ZFR: variants seen among roughly 807,000 people sequenced by gnomAD.
ZFR encodes zinc finger RNA-binding protein.
ZFR carries 19 observed loss-of-function variants against 130.7 expected under a neutral mutation model. The ratio of observed to expected loss-of-function variants is 0.15; its 90% CI spans 0.10 to 0.21. ZFR has a LOEUF of 0.21. Ranked by LOEUF, ZFR falls within the 10% of genes least tolerant of loss-of-function variation. The pLI is 1.00. For missense variants in ZFR, 872 were observed against 1,321.5 expected (o/e 0.66, Z 5.27); for synonymous variants, 466 against 456.9 (o/e 1.02, Z -0.25).
intron 4 of ZFR, among the ~76,000 whole-genome samples, chr5:32,415,456 C>T (rs1322300410): frequency 6.6e-6 from 1 of 150,746 alleles, no homozygotes; most frequent in Non-Finnish European, 1.5e-5. Context: ...AATAGCAGTG[C>T]TACCACTAAA....
rs55724344 is a variant in ZFR at position 32,380,650 on chromosome 5, CTTTTTT to C, written c.2642-484_2642-479del. Among the ~76,000 whole-genome samples, 375 of 97,060 alleles carry C rather than the reference CTTTTTT, an allele frequency of 3.9e-3. 2 individuals carry two copies. The highest frequency in any genetic ancestry group is 4.8e-3 in the Middle Eastern group (1 of 210). 63.7% of individuals were successfully genotyped at this position (97,060 alleles called of 152,430 possible). A position where few individuals can be genotyped will look rare whatever the true frequency, so the allele number is the denominator to read the frequency against. On this transcript the variant is annotated intron_variant, in intron 15 of 19. Coordinates refer to ENST00000265069, the MANE Select transcript of ZFR (RefSeq NM_016107.5). ...AATGAAGAACCCAAAACAGGCATTT[CTTTTTT>C]TTTTTTTTTTTTTTTTGAGACGGAG...
At chr5:32,414,853 C>T in intron 5 of ZFR, 116 bp downstream of exon 5, 1 of 907,694 alleles carries the variant, frequency 1.1e-6, no homozygotes, top group Non-Finnish European at 1.6e-6. Context: ...TTATGTCTAT[C>T]AATTAATTTA....
At chr5:32,396,835 G>C (rs1008518682) in intron 10 of ZFR, among the ~76,000 whole-genome samples, 2 of 152,040 alleles carry the variant, frequency 1.3e-5, no homozygotes, top group Non-Finnish European at 2.9e-5. Flanking sequence ...ATAAGTGAAG[G>C]GATTTTCCAA....
Position 32,362,304 on chromosome 5 carries a change from C to T in ZFR, c.3045+1644G>A, listed in dbSNP as rs906251665. ...TTTTAATAAATGACAAAGGCTGTATCTGGCAGAAGCAACTTGAAAAGGATC... is the reference window on the plus strand; with the variant it reads ...TTTTAATAAATGACAAAGGCTGTATTTGGCAGAAGCAACTTGAAAAGGATC... On this transcript the variant is annotated intron_variant, in intron 19 of 19. Coordinates refer to ENST00000265069, the MANE Select transcript of ZFR (RefSeq NM_016107.5). Among the ~76,000 whole-genome samples the T allele has an allele frequency of 7.9e-5, 12 of 152,102 alleles. 1 individual carries two copies. The highest frequency in any genetic ancestry group is 5.9e-4 in the Admixed American group (9 of 15,270).
At chr5:32,396,756 A>C (rs1204644929) in intron 10 of ZFR, among the ~76,000 whole-genome samples, 2 of 151,734 alleles carry the variant, frequency 1.3e-5, no homozygotes, top group African/African-American at 2.4e-5. Flanking sequence ...TAAAAAAAAA[A>C]ACTTCAAATA....
chr5:32,414,625 G>C (rs1283367808), intron 5 of ZFR, among the ~76,000 whole-genome samples: 1 of 152,116 alleles, frequency 6.6e-6, no homozygotes, highest in Non-Finnish European at 1.5e-5. Flanking sequence ...TATTCCCTGA[G>C]TATTAACCTT....
intron 19 of ZFR, among the ~76,000 whole-genome samples, chr5:32,357,493 T>C (rs1175298701): frequency 6.6e-6 from 1 of 152,202 alleles, no homozygotes; most frequent in African/African-American, 2.4e-5. Context: ...CTTGAACTCC[T>C]GACCTCCGGA....
At chr5:32,369,015 A>G (rs1317038612) in intron 17 of ZFR, among the ~76,000 whole-genome samples, 1 of 152,216 alleles carries the variant, frequency 6.6e-6, no homozygotes, top group African/African-American at 2.4e-5. Flanking sequence ...GCATTTTTGT[A>G]ATATATTTAC....
intron 2 of ZFR, among the ~76,000 whole-genome samples, chr5:32,443,970 G>A (rs1274263812): frequency 6.6e-6 from 1 of 151,898 alleles, no homozygotes; most frequent in Non-Finnish European, 1.5e-5. Context: ...GAAGGGCCCT[G>A]AGGCCTCCAC....
intron 19 of ZFR, among the ~76,000 whole-genome samples, chr5:32,358,208 T>C (rs1371319197): frequency 6.6e-6 from 1 of 151,896 alleles, no homozygotes; most frequent in Admixed American, 6.6e-5. Context: ...AATAGAAAAA[T>C]TAGCCGGGTG....
rs1197309105 is a variant in ZFR, at chr5:32,438,682, A to G, written c.137+5547T>C. On this transcript the variant is annotated intron_variant, in intron 2 of 19. Transcript: ENST00000265069. ...AAACTTTCCTTCTTTCTCTATTAGT[A>G]ATGAGGACTCCAAATGTTTTAAAAC... Among the ~76,000 whole-genome samples, 5 of 152,182 alleles carry G rather than the reference A, an allele frequency of 3.3e-5. No homozygotes were observed. The East Asian group carries it at 9.6e-4, about 29-fold the overall frequency.
chr5:32,427,531 A>G, intron 2 of ZFR, among the ~76,000 whole-genome samples: 1 of 152,214 alleles, frequency 6.6e-6, no homozygotes, highest in African/African-American at 2.4e-5. Flanking sequence ...TTCACGGATT[A>G]GAAGGCAAAC....
At chr5:32,377,790 G>C (rs1354143003) in intron 17 of ZFR, among the ~76,000 whole-genome samples, 2 of 151,876 alleles carry the variant, frequency 1.3e-5, no homozygotes, top group African/African-American at 4.8e-5. Flanking sequence ...GGGTTCAAGT[G>C]ATTCTCCTCT....
intron 2 of ZFR, among the ~76,000 whole-genome samples, chr5:32,421,068 GTTTAT>G (rs1339553108): frequency 6.6e-5 from 10 of 152,264 alleles, no homozygotes; most frequent in Middle Eastern, 3.4e-3. Flanking sequence ...ACAGGAATAT[GTTTAT>G]TTTAACTTTT....
chr5:32,427,539 A>C (rs551755816), intron 2 of ZFR, among the ~76,000 whole-genome samples: 6 of 152,286 alleles, frequency 3.9e-5, no homozygotes, highest in African/African-American at 1.2e-4. Flanking sequence ...TTAGAAGGCA[A>C]ACTATTGTTA....
rs1239433632 is a variant in ZFR at position 32,354,828 on chromosome 5, T to A, written c.*932A>T. 6.6e-6 allele frequency: 1 copy of A among 152,442 alleles called. No homozygotes were observed. The highest frequency in any genetic ancestry group is 2.4e-5 in the African/African-American group (1 of 41,432). 9.4% of individuals were successfully genotyped at this position (152,442 alleles called of 1,614,324 possible). A position where few individuals can be genotyped will look rare whatever the true frequency, so the allele number is the denominator to read the frequency against. ...GTTGTTAGTTGTACAATGATGAAGT[T>A]CTTTTGAAAATATTGGTTAGCCCAC... On this transcript the variant is annotated 3_prime_UTR_variant, in exon 20 of 20. Transcript: ENST00000265069.
rs556213824 is a variant in ZFR at position 32,417,258 on chromosome 5, G to A, written c.565+390C>T. On this transcript the variant is annotated intron_variant, in intron 4 of 19. Transcript: ENST00000265069. ...CTGATAACAGAACCAACTGTCATTA[G>A]CGATCAGAGAAAGATTAATTAAAAA... Among the ~76,000 whole-genome samples, 31 of 152,244 alleles carry A rather than the reference G, an allele frequency of 2.0e-4. 2 individuals are homozygous for A. Among genetic ancestry groups the A allele is most frequent in the Middle Eastern group, 6.8e-3 (2 of 294 alleles).
At chr5:32,422,071 T>G (rs1753969898) in intron 2 of ZFR, among the ~76,000 whole-genome samples, 1 of 152,012 alleles carries the variant, frequency 6.6e-6, no homozygotes, top group African/African-American at 2.4e-5. Flanking sequence ...TAAGAGTAAT[T>G]TTGGTTATAT....
chr5:32,439,101 AT>A, intron 2 of ZFR, among the ~76,000 whole-genome samples: 1 of 152,350 alleles, frequency 6.6e-6, no homozygotes, highest in South Asian at 2.1e-4. Flanking sequence ...ACTAATAGCC[AT>A]TTTATCATCA....
Sources: allele counts gnomAD v4.1 joint callset (sites outside exome capture counted in the v4.1 genomes callset), GRCh38; gene constraint gnomAD v4.1.1; transcripts MANE v1.5; gene names NCBI Gene and HGNC (gene_info 2026-07-23, HGNC 2026-07-21).